RBFOX1: variants seen among roughly 807,000 people sequenced by gnomAD.
The protein encoded by RBFOX1 is RNA binding protein fox-1 homolog 1.
RBFOX1 carries 8 observed loss-of-function variants against 57.7 expected under a neutral mutation model. The ratio of observed to expected loss-of-function variants is 0.14; its 90% CI spans 0.08 to 0.25. The LOEUF is 0.25. Among genes scored for constraint, RBFOX1 ranks in the 10% least tolerant of loss-of-function variants. RBFOX1 has a pLI of 1.00. For synonymous variants in RBFOX1, 326 were observed against 222.4 expected (o/e 1.47, Z -4.15); for missense variants, 611 against 548.5 (o/e 1.11, Z -1.14).
chr16:6,454,133 C>T (rs2094702418), intron 2 of RBFOX1, among the ~76,000 whole-genome samples: 1 of 152,178 alleles, frequency 6.6e-6, no homozygotes, highest in South Asian at 2.1e-4. Context: ...CCTATGACCT[C>T]GTTTTAACTC....
rs575450984 is a variant in RBFOX1 at position 6,891,189 on chromosome 16, T to C, written c.-15-160868T>C. Among the ~76,000 whole-genome samples the C allele has an allele frequency of 5.3e-5, 8 of 152,328 alleles. No individual in the cohort carries two copies. In the East Asian group the frequency reaches 1.5e-3, roughly 29 times the overall value. On this transcript the variant is annotated intron_variant, in intron 3 of 15. Coordinates refer to ENST00000550418, the MANE Select transcript of RBFOX1 (RefSeq NM_018723.4). ...CCAATGCATCCATTTTTATTATCAG[T>C]AGTGGCTACAATAATATTTGTAGCA... is the stretch of plus-strand genomic sequence containing the variant.
At chr16:7,624,589 C>G (rs1270622166) in intron 10 of RBFOX1, among the ~76,000 whole-genome samples, 1 of 152,170 alleles carries the variant, frequency 6.6e-6, no homozygotes. Flanking sequence ...AAGTACCAGC[C>G]AAATGAATGA....
chr16:5,615,808 A>G (rs1313572018), intron 3 of RBFOX1, among the ~76,000 whole-genome samples: 1 of 152,162 alleles, frequency 6.6e-6, no homozygotes, highest in Non-Finnish European at 1.5e-5. Flanking sequence ...CCATGATGGG[A>G]GCCCACCAGT....
chr16:6,512,772 C>G (rs1598591509), intron 2 of RBFOX1, among the ~76,000 whole-genome samples: 1 of 152,134 alleles, frequency 6.6e-6, no homozygotes. Context: ...TCAGCAGGAG[C>G]AAGAGGATGG....
intron 4 of RBFOX1, among the ~76,000 whole-genome samples, chr16:7,058,433 C>T (rs966995459): frequency 1.3e-5 from 2 of 152,132 alleles, no homozygotes; most frequent in African/African-American, 4.8e-5. Context: ...GAATCAGGGG[C>T]CTGGAGCTAC....
In RBFOX1 at chr16:6,164,469, A is replaced by ATTTT. The variant is rs35070328; in HGVS notation, c.-127+144489_-127+144492dup. ...AGTTCTTTTTTGCATTGTTATATTG[A>ATTTT]TTTTTTTTTTTTTTTGAGATGTAGT... On this transcript the variant is annotated intron_variant, in intron 1 of 15. Transcript: ENST00000550418. Among the ~76,000 whole-genome samples the ATTTT allele has an allele frequency of 3.1e-4, 42 of 137,664 alleles. 1 individual carries two copies. The highest frequency in any genetic ancestry group is 1.7e-3 in the East Asian group (8 of 4,770). The allele number at this position is 137,664 out of a possible 152,430, so 90.3% of individuals were successfully genotyped here. A position where few individuals can be genotyped will look rare whatever the true frequency, so the allele number is the denominator to read the frequency against.
intron 2 of RBFOX1, among the ~76,000 whole-genome samples, chr16:5,539,155 C>T (rs993967334): frequency 3.9e-5 from 6 of 152,118 alleles, no homozygotes; most frequent in African/African-American, 1.4e-4. Context: ...GTGCATGGTT[C>T]AGGGAAAGTG....
At chr16:5,597,922 G>A (rs973910301) in intron 2 of RBFOX1, among the ~76,000 whole-genome samples, 1 of 152,166 alleles carries the variant, frequency 6.6e-6, no homozygotes, top group Non-Finnish European at 1.5e-5. Flanking sequence ...CCTCTCTTTT[G>A]CTTCTTCACC....
intron 4 of RBFOX1, among the ~76,000 whole-genome samples, chr16:7,057,522 A>G (rs1175511081): frequency 1.3e-5 from 2 of 152,098 alleles, no homozygotes; most frequent in East Asian, 1.9e-4. Flanking sequence ...CGGTATAGGG[A>G]CTAACCATCA....
intron 4 of RBFOX1, among the ~76,000 whole-genome samples, chr16:5,955,796 T>C (rs2059626277): frequency 6.6e-6 from 1 of 152,110 alleles, no homozygotes; most frequent in Non-Finnish European, 1.5e-5. Context: ...AGTAGAAAAA[T>C]GAGCAAAGTC....
intron 1 of RBFOX1, among the ~76,000 whole-genome samples, chr16:5,319,840 A>G (rs927444015): frequency 6.6e-6 from 1 of 152,174 alleles, no homozygotes; most frequent in African/African-American, 2.4e-5. Flanking sequence ...CTCTGTGACT[A>G]CATCATGCTC....
chr16:5,952,088 C>CATAT (rs760201026), intron 4 of RBFOX1, among the ~76,000 whole-genome samples: 1 of 147,832 alleles, frequency 6.8e-6, no homozygotes, highest in Non-Finnish European at 1.5e-5. Context: ...TGTATATATG[C>CATAT]ATATATATAT....
intron 3 of RBFOX1, among the ~76,000 whole-genome samples, chr16:6,845,856 C>T (rs942509544): frequency 6.6e-6 from 1 of 152,210 alleles, no homozygotes; most frequent in African/African-American, 2.4e-5. Context: ...CTCAGTCCCA[C>T]TTGTGTATGG....
chr16:7,121,019 C>T (rs76658043), intron 4 of RBFOX1, among the ~76,000 whole-genome samples: 212 of 151,792 alleles, frequency 1.4e-3, no homozygotes, highest in African/African-American at 4.5e-3. Context: ...AACACATGAC[C>T]CTGTAAAATA....
At chr16:5,840,366 AC>A (rs2056588553) in intron 3 of RBFOX1, among the ~76,000 whole-genome samples, 1 of 152,014 alleles carries the variant, frequency 6.6e-6, no homozygotes, top group Non-Finnish European at 1.5e-5. Flanking sequence ...CAGAGAGGCC[AC>A]CCCCTGTCCC....
chr16:5,556,482 C>T (rs183728950), intron 2 of RBFOX1, among the ~76,000 whole-genome samples: 1 of 152,162 alleles, frequency 6.6e-6, no homozygotes. Context: ...TTATCTTTTC[C>T]CCCCGCTTTT....
intron 2 of RBFOX1, among the ~76,000 whole-genome samples, chr16:5,491,032 T>C (rs1241613041): frequency 6.6e-6 from 1 of 152,172 alleles, no homozygotes; most frequent in South Asian, 2.1e-4. Flanking sequence ...ATCTCCCCGA[T>C]TTGATCTGCA....
chr16:6,500,780 C>G (rs368476788), intron 2 of RBFOX1, among the ~76,000 whole-genome samples: 8 of 152,000 alleles, frequency 5.3e-5, no homozygotes, highest in African/African-American at 1.9e-4. Context: ...AGATTATAAA[C>G]CAACTGTGAT....
intron 2 of RBFOX1, among the ~76,000 whole-genome samples, chr16:5,545,101 C>G (rs143672372): frequency 2.0e-5 from 3 of 151,608 alleles, no homozygotes; most frequent in African/African-American, 4.9e-5. Flanking sequence ...CTCAGCCTTC[C>G]GAGTAGCTGG....
Sources: allele counts gnomAD v4.1 joint callset (sites outside exome capture counted in the v4.1 genomes callset), GRCh38; gene constraint gnomAD v4.1.1; transcripts MANE v1.5; gene names NCBI Gene and HGNC (gene_info 2026-07-23, HGNC 2026-07-21).